TM4SF5: variants seen among roughly 807,000 people sequenced by gnomAD.
TM4SF5 encodes transmembrane 4 L6 family member 5.
In TM4SF5, 16 loss-of-function variants were observed where a neutral mutation model predicts 22.3. The ratio of observed to expected loss-of-function variants is 0.72; its 90% CI spans 0.49 to 1.09. The LOEUF (loss-of-function observed/expected upper bound fraction) is 1.09, where lower values mean the gene tolerates loss of function less well. Ranked by LOEUF, TM4SF5 falls within the 50% of genes least tolerant of loss-of-function variation. TM4SF5 has a pLI of 0.00. For missense variants in TM4SF5, 249 were observed against 266.1 expected, an observed-to-expected ratio of 0.94 and a Z score of 0.45; for synonymous variants, 113 against 109.6, an observed-to-expected ratio of 1.03 and a Z score of -0.19.
rs147943731 is a variant in TM4SF5 at position 4,777,680 on chromosome 17, T to C, written c.178-3109T>C. The stretch of plus-strand genomic sequence containing the variant: ...CAGGCTGATCAGCTGAGGTCAGGAG[T>C]TTGAGACCAGCCTGACCAACATGGA... On this transcript the variant is annotated intron_variant, in intron 1 of 4. Transcript: ENST00000270560. Among the ~76,000 whole-genome samples the C allele has an allele frequency of 5.0e-3, 764 of 151,406 alleles. 7 individuals carry two copies. The highest frequency in any genetic ancestry group is 0.018 in the African/African-American group (735 of 41,228).
chr17:4,778,024 C>G (rs372797444), intron 1 of TM4SF5, among the ~76,000 whole-genome samples: 3 of 151,240 alleles, frequency 2.0e-5, no homozygotes, highest in Non-Finnish European at 4.4e-5. Flanking sequence ...CCAGTCTGGG[C>G]AACAGTGTGA....
chr17:4,774,418 C>A (rs1331462193), intron 1 of TM4SF5, among the ~76,000 whole-genome samples: 4 of 151,914 alleles, frequency 2.6e-5, no homozygotes, highest in Admixed American at 6.6e-5. Flanking sequence ...AACAGACACC[C>A]AATTAATAGT....
chr17:4,779,412 G>C (rs1282305214), intron 1 of TM4SF5, among the ~76,000 whole-genome samples: 1 of 152,088 alleles, frequency 6.6e-6, no homozygotes, highest in Non-Finnish European at 1.5e-5. Flanking sequence ...CTGGGTGGCA[G>C]AGTGAGACCC....
At chr17:4,779,948 A>T (rs1464663695) in intron 1 of TM4SF5, among the ~76,000 whole-genome samples, 2 of 150,624 alleles carry the variant, frequency 1.3e-5, no homozygotes, top group Non-Finnish European at 2.9e-5. Flanking sequence ...ATCCACTAGC[A>T]CTCTTCCACA....
chr17:4,776,942 G>C (rs1917217827), intron 1 of TM4SF5, among the ~76,000 whole-genome samples: 1 of 152,264 alleles, frequency 6.6e-6, no homozygotes, highest in South Asian at 2.1e-4. Flanking sequence ...CCTCAAGCCT[G>C]TAATCCCAGC....
At position 4,776,585 on chromosome 17, in the gene TM4SF5, A is replaced by G. The variant is rs550364031; in HGVS notation, c.178-4204A>G. On this transcript the variant is annotated intron_variant, in intron 1 of 4. Transcript: ENST00000270560. ...CCAGAGTACTGGGATTACAGGCATA[A>G]GCCACTGTGCCCGGCCCATTCTACT... Among the ~76,000 whole-genome samples the G allele has an allele frequency of 2.0e-5, 3 of 152,352 alleles. No homozygotes were observed. In the South Asian group the frequency reaches 6.2e-4, roughly 32 times the overall value.
intron 1 of TM4SF5, among the ~76,000 whole-genome samples, chr17:4,775,880 T>A (rs1168164036): frequency 6.6e-6 from 1 of 152,124 alleles, no homozygotes; most frequent in African/African-American, 2.4e-5. Context: ...GAGACGGAGC[T>A]GTTGCCCAGG....
chr17:4,773,714 A>G (rs1597296534), intron 1 of TM4SF5, among the ~76,000 whole-genome samples: 1 of 151,280 alleles, frequency 6.6e-6, no homozygotes, highest in African/African-American at 2.4e-5. Context: ...TCTAAACTCA[A>G]CTCTCTTTGA....
At position 4,771,899 on chromosome 17, in the gene TM4SF5, G is replaced by A. The variant is rs757937915; in HGVS notation, c.-24G>A. On this transcript the variant is annotated 5_prime_UTR_variant, in exon 1 of 5. Coordinates refer to ENST00000270560, the MANE Select transcript of TM4SF5 (RefSeq NM_003963.3). ...AACCACTGGCTTACTTTCACTCACC[G>A]CCTGTCCTTCCTGACACCTCACCAT... 8 of 1,613,620 alleles carry A rather than the reference G, an allele frequency of 5.0e-6. No homozygotes were observed. Among genetic ancestry groups the A allele is most frequent in the Admixed American group, 1.7e-5 (1 of 59,974 alleles).
At chr17:4,776,942 G>A (rs1917217827) in intron 1 of TM4SF5, among the ~76,000 whole-genome samples, 1 of 152,148 alleles carries the variant, frequency 6.6e-6, no homozygotes, top group South Asian at 2.1e-4. Context: ...CCTCAAGCCT[G>A]TAATCCCAGC....
rs201238612 is a variant in TM4SF5, at chr17:4,771,945, G to A, written c.23G>A (p.Arg8His). The A allele has an allele frequency of 8.1e-5, 131 of 1,614,150 alleles. No individual in the cohort carries two copies. Among genetic ancestry groups the A allele is most frequent in the Non-Finnish European group, 1.0e-4 (122 of 1,180,034 alleles). The change falls in exon 1 of 5, where the codon CGC (arginine) becomes CAC (histidine). Residue 8 changes from arginine to histidine, a missense_variant. Physicochemically the swap from Arg to His is conservative, Grantham distance 29 (BLOSUM62 0). Coordinates refer to ENST00000270560, the MANE Select transcript of TM4SF5 (RefSeq NM_003963.3). MCTGKCA[R>H]CVGLSLITLC... The stretch of plus-strand genomic sequence containing the variant: ...ACCATGTGTACGGGAAAATGTGCCC[G>A]CTGTGTGGGGCTCTCCCTCATTACC...
At chr17:4,773,340 G>A (rs1317129752) in intron 1 of TM4SF5, among the ~76,000 whole-genome samples, 1 of 152,138 alleles carries the variant, frequency 6.6e-6, no homozygotes, top group Non-Finnish European at 1.5e-5. Flanking sequence ...GCCAAGACTA[G>A]GATCTGTCAG....
intron 2 of TM4SF5, among the ~76,000 whole-genome samples, chr17:4,781,128 A>G (rs1917299009): frequency 1.4e-5 from 2 of 141,482 alleles, no homozygotes; most frequent in African/African-American, 2.7e-5. Flanking sequence ...TGCAGTAAGC[A>G]GTGATTTAAA....
In TM4SF5 at chr17:4,780,929, C is replaced by T. The variant is rs948650368; in HGVS notation, c.258+60C>T. The T allele has an allele frequency of 3.6e-5, 53 of 1,460,978 alleles. No homozygotes were observed. The African/African-American group carries it at 7.1e-4, about 20-fold the overall frequency. 90.5% of individuals were successfully genotyped at this position (1,460,978 alleles called of 1,614,324 possible). On this transcript the variant is annotated intron_variant, in intron 2 of 4. Transcript: ENST00000270560. ...GGGTGGTGTCTCATGCCTGTAATCC[C>T]AACACTTTAGCAGGCTGAGGTGGGA...
Position 4,772,072 on chromosome 17 carries a change from G to A in TM4SF5, c.150G>A (p.Met50Ile). The A allele has an allele frequency of 6.2e-7, 1 of 1,614,248 alleles. No individual in the cohort carries two copies. The highest frequency in any genetic ancestry group is 8.5e-7 in the Non-Finnish European group (1 of 1,180,050). ...ATCTCAGCTTGCAAGTCTGGCTCAT[G>A]GGCGGCTTCATTGGCGGGGGCCTAA... ...TNHLSLQVWL[M>I]GGFIGGGLMV... Residue 50 changes from methionine to isoleucine, a missense_variant, in exon 1 of 5, where the codon ATG becomes ATA. Met to Ile is a conservative substitution (Grantham distance 10). Coordinates refer to ENST00000270560, the MANE Select transcript of TM4SF5 (RefSeq NM_003963.3).
chr17:4,775,646 A>G (rs1917190952), intron 1 of TM4SF5, among the ~76,000 whole-genome samples: 1 of 152,110 alleles, frequency 6.6e-6, no homozygotes, highest in African/African-American at 2.4e-5. Context: ...CCAGATCCTT[A>G]GTACACAGCT....
rs1917117979 is a variant in TM4SF5 at position 4,772,000 on chromosome 17, C to T, written c.78C>T (p.Ala26=). 19 of 1,614,184 alleles carry T rather than the reference C, an allele frequency of 1.2e-5. No homozygotes were observed. The highest frequency in any genetic ancestry group is 1.6e-5 in the Non-Finnish European group (19 of 1,180,024). The stretch of plus-strand genomic sequence containing the variant: ...GCCTCGTCTGCATTGTGGCCAACGC[C>T]CTCCTGCTGGTACCTAATGGGGAGA... ...TLCLVCIVAN[A]LLLVPNGETS... is the part of the protein sequence containing the mutation. Residue 26 remains alanine (A), a synonymous_variant, in exon 1 of 5, where the codon GCC becomes GCT. Coordinates refer to ENST00000270560, the MANE Select transcript of TM4SF5 (RefSeq NM_003963.3).
At chr17:4,772,170 G>A (rs976816169) in intron 1 of TM4SF5, 71 bp downstream of exon 1, 1 of 1,566,628 alleles carries the variant, frequency 6.4e-7, no homozygotes, top group Non-Finnish European at 8.7e-7. Flanking sequence ...ACAGGAGGGA[G>A]AGGGAGAGAG....
chr17:4,777,777 G>C (rs565155274), intron 1 of TM4SF5, among the ~76,000 whole-genome samples: 2 of 152,012 alleles, frequency 1.3e-5, no homozygotes, highest in Non-Finnish European at 2.9e-5. Flanking sequence ...CCAGCTACTC[G>C]GGAGGCTGAG....
Sources: gnomAD v4.1 joint callset for allele counts (sites outside exome capture counted in the v4.1 genomes callset) on GRCh38, gnomAD v4.1.1 for gene constraint, MANE v1.5 for transcripts, NCBI Gene and HGNC (gene_info 2026-07-23, HGNC 2026-07-21) for gene names.